The following ADAMTSL1 variants were observed in gnomAD, a reference collection of about 807,000 sequenced individuals.
ADAMTSL1 encodes ADAMTS-like protein 1.
In ADAMTSL1, 126 loss-of-function variants were observed where a neutral mutation model predicts 201.8. That is an observed-to-expected ratio of 0.62 (90% CI 0.54 to 0.72). The LOEUF (loss-of-function observed/expected upper bound fraction) is 0.72. Ranked by LOEUF, ADAMTSL1 falls within the 30% of genes least tolerant of loss-of-function variation. ADAMTSL1 has a pLI of 0.00. For missense variants in ADAMTSL1, 2,679 were observed against 2,277.8 expected (o/e 1.18, Z -3.59); for synonymous variants, 1,121 against 903.4 (o/e 1.24, Z -4.32).
At chr9:18,129,855 C>G (rs1825876985) in intron 1 of ADAMTSL1, among the ~76,000 whole-genome samples, 1 of 152,142 alleles carries the variant, frequency 6.6e-6, no homozygotes, top group Non-Finnish European at 1.5e-5. Flanking sequence ...GTCAAGAAAC[C>G]TTCCCTTGTT....
At chr9:18,361,371 T>C (rs1836512252) in intron 2 of ADAMTSL1, among the ~76,000 whole-genome samples, 1 of 152,234 alleles carries the variant, frequency 6.6e-6, no homozygotes, top group African/African-American at 2.4e-5. Context: ...TCACTTGGTA[T>C]ATTCTCGATT....
At chr9:18,086,058 A>C (rs1335663665) in intron 1 of ADAMTSL1, among the ~76,000 whole-genome samples, 1 of 152,148 alleles carries the variant, frequency 6.6e-6, no homozygotes, top group East Asian at 1.9e-4. Flanking sequence ...CTCAGCAGCT[A>C]GCGGGCTGGC....
At chr9:18,442,854 G>C (rs1442599558) in intron 2 of ADAMTSL1, among the ~76,000 whole-genome samples, 1 of 152,214 alleles carries the variant, frequency 6.6e-6, no homozygotes, top group East Asian at 1.9e-4. Flanking sequence ...CCCTCCAAGG[G>C]AGAGCAGGGC....
chr9:18,053,748 G>T (rs185570321), intron 1 of ADAMTSL1, among the ~76,000 whole-genome samples: 2 of 152,214 alleles, frequency 1.3e-5, no homozygotes, highest in African/African-American at 4.8e-5. Flanking sequence ...ACCAGGCTCC[G>T]AGTTTACTGA....
chr9:18,711,704 A>G (rs1230766734), intron 14 of ADAMTSL1, among the ~76,000 whole-genome samples: 10 of 152,206 alleles, frequency 6.6e-5, no homozygotes, highest in African/African-American at 2.4e-4. Context: ...TTGCTTAGGT[A>G]AACAAAGCAG....
At chr9:18,065,171 C>A (rs554058281) in intron 1 of ADAMTSL1, among the ~76,000 whole-genome samples, 2 of 152,112 alleles carry the variant, frequency 1.3e-5, no homozygotes, top group Middle Eastern at 3.4e-3. Context: ...AACATGAAAC[C>A]TGGCTCTATA....
At chr9:18,036,335 C>A (rs933026380) in intron 1 of ADAMTSL1, among the ~76,000 whole-genome samples, 8 of 152,190 alleles carry the variant, frequency 5.3e-5, no homozygotes, top group Non-Finnish European at 1.0e-4. Flanking sequence ...CCCGTGGATT[C>A]TCCGTATACT....
chr9:18,375,414 T>C (rs942583683), intron 2 of ADAMTSL1, among the ~76,000 whole-genome samples: 71 of 152,246 alleles, frequency 4.7e-4, no homozygotes, highest in African/African-American at 1.6e-3. Flanking sequence ...GGGCTTTACC[T>C]GCCTTAGGTA....
chr9:18,261,910 A>G (rs565997680), intron 2 of ADAMTSL1, among the ~76,000 whole-genome samples: 1 of 152,356 alleles, frequency 6.6e-6, no homozygotes, highest in South Asian at 2.1e-4. Context: ...TGAAGGCTAC[A>G]TGAAAGAAAC....
chr9:18,678,376 A>G lies in ADAMTSL1; in HGVS notation c.1137-1936A>G, dbSNP rs563290711. Reference sequence around the variant, plus strand: ...GCTTTTGTTACGCTTTCTTTAAAGTACACAAACATGTTTTACTTCAAGATT... The same window carrying G: ...GCTTTTGTTACGCTTTCTTTAAAGTGCACAAACATGTTTTACTTCAAGATT... On this transcript the variant is annotated intron_variant, in intron 10 of 28. Coordinates refer to ENST00000380548, the MANE Select transcript of ADAMTSL1 (RefSeq NM_001040272.6). 1.3e-4 allele frequency among the ~76,000 whole-genome samples: 20 copies of G among 152,298 alleles called. No homozygotes were observed. In the South Asian group the frequency reaches 4.1e-3, roughly 32 times the overall value.
intron 2 of ADAMTSL1, among the ~76,000 whole-genome samples, chr9:18,262,291 G>T (rs890325143): frequency 1.3e-5 from 2 of 152,078 alleles, no homozygotes; most frequent in Non-Finnish European, 2.9e-5. Context: ...AACACCCAAG[G>T]CCCTTATAAA....
At chr9:18,341,630 T>C (rs554328145) in intron 2 of ADAMTSL1, among the ~76,000 whole-genome samples, 5 of 152,312 alleles carry the variant, frequency 3.3e-5, no homozygotes, top group African/African-American at 4.8e-5. Flanking sequence ...ATTTAATAAG[T>C]ATTTAGTTGA....
At chr9:18,602,745 A>C (rs1343734194) in intron 4 of ADAMTSL1, among the ~76,000 whole-genome samples, 1 of 152,188 alleles carries the variant, frequency 6.6e-6, no homozygotes, top group Non-Finnish European at 1.5e-5. Context: ...CTGATAAAGG[A>C]ATACATTTCT....
At chr9:18,616,293 G>C (rs1825695580) in intron 4 of ADAMTSL1, among the ~76,000 whole-genome samples, 1 of 152,130 alleles carries the variant, frequency 6.6e-6, no homozygotes, top group Non-Finnish European at 1.5e-5. Context: ...CCAAAGTGTT[G>C]GGATTACAGG....
chr9:17,987,251 T>C (rs1366264695), intron 1 of ADAMTSL1, among the ~76,000 whole-genome samples: 1 of 152,118 alleles, frequency 6.6e-6, no homozygotes, highest in Non-Finnish European at 1.5e-5. Context: ...AGTGTTCACA[T>C]CTTGTTTCCT....
chr9:18,551,249 G>A (rs1341067), intron 3 of ADAMTSL1, among the ~76,000 whole-genome samples: 47,522 of 151,442 alleles, frequency 0.31, 7,747 homozygotes, highest in Admixed American at 0.37. Flanking sequence ...CCTATCTGTG[G>A]GTGCATTCCT....
chr9:18,169,537 T>C (rs1411609026), intron 2 of ADAMTSL1, among the ~76,000 whole-genome samples: 1 of 152,126 alleles, frequency 6.6e-6, no homozygotes, highest in East Asian at 1.9e-4. Context: ...AGCCTTGTAG[T>C]ATAGTTTGAA....
chr9:18,019,193 C>G (rs1298377151), intron 1 of ADAMTSL1, among the ~76,000 whole-genome samples: 1 of 151,984 alleles, frequency 6.6e-6, no homozygotes, highest in Non-Finnish European at 1.5e-5. Flanking sequence ...TGGGTAACTT[C>G]TAAGTAAAGT....
intron 16 of ADAMTSL1, among the ~76,000 whole-genome samples, chr9:18,768,788 G>C (rs1820512062): frequency 6.6e-6 from 1 of 151,984 alleles, no homozygotes; most frequent in Non-Finnish European, 1.5e-5. Flanking sequence ...GCTCCGGTGG[G>C]GTCCAAACAA....
Sources: allele counts gnomAD v4.1 joint callset (sites outside exome capture counted in the v4.1 genomes callset), GRCh38; gene constraint gnomAD v4.1.1; transcripts MANE v1.5; gene names NCBI Gene and HGNC (gene_info 2026-07-23, HGNC 2026-07-21).